Variants in ZC3H3 observed in about 807,000 individuals in gnomAD.
ZC3H3 encodes the protein zinc finger CCCH domain-containing protein 3.
In ZC3H3, 36 loss-of-function variants were observed where a neutral mutation model predicts 77.3. The ratio of observed to expected loss-of-function variants is 0.47; its 90% confidence interval spans 0.36 to 0.61. ZC3H3 has a LOEUF of 0.61. Ranked by LOEUF, ZC3H3 falls within the 20% of genes least tolerant of loss-of-function variation. ZC3H3 has a pLI of 0.00. For missense variants in ZC3H3, 1,331 were observed against 1,312.2 expected (o/e 1.01, Z -0.22); for synonymous variants, 626 against 555.2 (o/e 1.13, Z -1.79).
chr8:143,540,020 C>G (rs1243851144), intron 1 of ZC3H3, among the ~76,000 whole-genome samples: 1 of 152,304 alleles, frequency 6.6e-6, no homozygotes, highest in East Asian at 1.9e-4. Flanking sequence ...AGCATTCCCC[C>G]ACCACAGGCC....
intron 9 of ZC3H3, among the ~76,000 whole-genome samples, chr8:143,443,137 T>C (rs995788081): frequency 1.4e-4 from 22 of 151,900 alleles, no homozygotes; most frequent in African/African-American, 5.3e-4. Flanking sequence ...ACACAAAAAT[T>C]AGCTGGGTGT....
chr8:143,440,058 G>A lies in ZC3H3; in HGVS notation c.2798C>T (p.Pro933Leu). ...AQPRVRAPRAPLTKDSGKPLH... is the reference protein window; with the variant it reads ...AQPRVRAPRALLTKDSGKPLH... ...CTGCCTACCTGAGTCCTTGGTGAGG[G>A]GGGCCCTAGGGGCCCGGACCCTGGG... Residue 933 changes from proline (P) to leucine (L), a missense_variant, in exon 11 of 12, where the codon CCC becomes CTC. Physicochemically the swap from Pro to Leu is moderately conservative, Grantham distance 98. This residue lies in a region of ZC3H3 where 249 missense variants were observed against 236.9 expected (regional missense o/e 1.05). Transcript: ENST00000262577. The A allele has an allele frequency of 6.4e-7, 1 of 1,559,346 alleles. No individual in the cohort carries two copies. The highest frequency in any genetic ancestry group is 1.2e-5 in the South Asian group (1 of 85,408).
chr8:143,439,215 G>A (rs1281302712), intron 11 of ZC3H3, among the ~76,000 whole-genome samples: 2 of 152,170 alleles, frequency 1.3e-5, no homozygotes, highest in East Asian at 3.9e-4. Context: ...GTGGGGCGGA[G>A]GGTCTGGCCA....
chr8:143,491,226 G>A (rs1229144249), intron 4 of ZC3H3, among the ~76,000 whole-genome samples: 2 of 152,190 alleles, frequency 1.3e-5, no homozygotes. Context: ...ACCCCCGGGG[G>A]GCCCTTGAGC....
At chr8:143,453,617 A>G (rs888751486) in intron 9 of ZC3H3, among the ~76,000 whole-genome samples, 6 of 152,254 alleles carry the variant, frequency 3.9e-5, no homozygotes, top group Non-Finnish European at 5.9e-5. Context: ...AAAAGTGGTT[A>G]AAGTTCTCCA....
In ZC3H3 at chr8:143,541,364, G is replaced by T; in HGVS notation, c.46+12C>A. 6.2e-7 allele frequency: 1 copy of T among 1,608,846 alleles called. No individual in the cohort carries two copies. The highest frequency in any genetic ancestry group is 8.5e-7 in the Non-Finnish European group (1 of 1,178,460). On this transcript the variant is annotated intron_variant, in intron 1 of 11. Coordinates refer to ENST00000262577, the MANE Select transcript of ZC3H3 (RefSeq NM_015117.3). ...AGAAGGGGACTCGCGTCCCGGCCCC[G>T]GCCGGACCTACCCTGCAGTAGGCGG... is the stretch of plus-strand genomic sequence containing the variant.
chr8:143,512,074 G>A (rs1821885976), intron 3 of ZC3H3, among the ~76,000 whole-genome samples: 1 of 152,254 alleles, frequency 6.6e-6, no homozygotes. Context: ...AGAAGTGACA[G>A]CAGCGAGCGG....
Position 143,493,857 on chromosome 8 carries a change from C to A in ZC3H3, c.1715+13889G>T, listed in dbSNP as rs1821271887. On this transcript the variant is annotated intron_variant, in intron 4 of 11. Transcript: ENST00000262577. The surrounding 1 kb of genome is among the most constrained non-coding windows in gnomAD (Gnocchi z 4.8). ...CGCCGAGTGGTTTAAATTGAAAACC[C>A]CCAACTGAATCAATATTTACTGCAT... 6.6e-6 allele frequency among the ~76,000 whole-genome samples: 1 copy of A among 152,082 alleles called. No homozygotes were observed. Among genetic ancestry groups the A allele is most frequent in the South Asian group, 2.1e-4 (1 of 4,828 alleles).
rs1227387521 is a variant in ZC3H3 at position 143,462,962 on chromosome 8, G to A, written c.2307+2755C>T. ...GCAGCTGTCCCACCTAGAGCCACCA[G>A]GAGCAGCGCCCAGACCCTGAGTCTC... On this transcript the variant is annotated intron_variant, in intron 9 of 11. Transcript: ENST00000262577. The surrounding 1 kb of genome is among the most constrained non-coding windows in gnomAD (Gnocchi z 4.7). Among the ~76,000 whole-genome samples, 2 of 150,016 alleles carry A rather than the reference G, an allele frequency of 1.3e-5. No homozygotes were observed. Among genetic ancestry groups the A allele is most frequent in the Non-Finnish European group, 3.0e-5 (2 of 67,714 alleles).
At chr8:143,527,121 G>C (rs546469099) in intron 3 of ZC3H3, among the ~76,000 whole-genome samples, 1 of 152,314 alleles carries the variant, frequency 6.6e-6, no homozygotes, top group East Asian at 1.9e-4. Context: ...CCTGGTGGGG[G>C]TTAGCAGGTG....
At chr8:143,517,841 C>G (rs1296653582) in intron 3 of ZC3H3, among the ~76,000 whole-genome samples, 1 of 152,204 alleles carries the variant, frequency 6.6e-6, no homozygotes, top group African/African-American at 2.4e-5. Context: ...TCTCCAGGCC[C>G]ACCTGTGCTC....
At chr8:143,444,044 G>A (rs963844558) in intron 9 of ZC3H3, among the ~76,000 whole-genome samples, 10 of 150,506 alleles carry the variant, frequency 6.6e-5, no homozygotes, top group East Asian at 1.9e-4. Context: ...GCACGATCTC[G>A]GCTCACTGCA....
chr8:143,512,523 G>A (rs1221656644), intron 3 of ZC3H3, among the ~76,000 whole-genome samples: 3 of 152,248 alleles, frequency 2.0e-5, no homozygotes, highest in Non-Finnish European at 2.9e-5. Context: ...GGCAGGAGGG[G>A]CCGGGCAGCA....
At chr8:143,522,927 T>A (rs186134367) in intron 3 of ZC3H3, among the ~76,000 whole-genome samples, 6,128 of 151,160 alleles carry the variant, frequency 0.041, 136 homozygotes, top group Middle Eastern at 0.097. Context: ...CTCAAAAAAA[T>A]ATATATATAT....
chr8:143,535,581 C>T (rs558401645), intron 3 of ZC3H3, among the ~76,000 whole-genome samples: 16 of 151,890 alleles, frequency 1.1e-4, no homozygotes, highest in Admixed American at 2.0e-4. Flanking sequence ...TCACCACATA[C>T]CCCCAACCAC....
intron 5 of ZC3H3, among the ~76,000 whole-genome samples, chr8:143,470,767 G>A (rs1820541542): frequency 6.6e-6 from 1 of 152,236 alleles, no homozygotes; most frequent in African/African-American, 2.4e-5. Flanking sequence ...AGAACAGGAG[G>A]CACTTTTTCA....
At chr8:143,540,576 T>C (rs1031483933) in intron 1 of ZC3H3, among the ~76,000 whole-genome samples, 4 of 152,244 alleles carry the variant, frequency 2.6e-5, no homozygotes, top group African/African-American at 9.6e-5. Context: ...GGTTTTTTAA[T>C]GTTTAAGTGT....
chr8:143,468,430 T>A lies in ZC3H3; in HGVS notation c.2057A>T (p.Glu686Val), dbSNP rs368471862. 1.6e-5 allele frequency: 26 copies of A among 1,611,332 alleles called. No individual in the cohort carries two copies. In the African/African-American group the frequency reaches 2.3e-4, roughly 14 times the overall value. The change falls in exon 7 of 12, where the codon GAG becomes GTG. Residue 686 changes from glutamate (E) to valine (V), a missense_variant. Glu to Val is a moderately radical substitution (Grantham distance 121, BLOSUM62 -2). This residue lies in a region of ZC3H3 where 104 missense variants were observed against 159.7 expected (regional missense o/e 0.65). Coordinates refer to ENST00000262577, the MANE Select transcript of ZC3H3 (RefSeq NM_015117.3). The stretch of plus-strand genomic sequence containing the variant: ...GGGATCGTGGATGTAGGGGCAGCGC[T>A]CGCCACGGTTGCACCTGCCGAAGCG... ...YNRFGRCNRG[E>V]RCPYIHDPEK...
intron 3 of ZC3H3, among the ~76,000 whole-genome samples, chr8:143,523,983 AG>A (rs1300346842): frequency 6.6e-6 from 1 of 152,236 alleles, no homozygotes; most frequent in Non-Finnish European, 1.5e-5. Context: ...CCTGGATGCC[AG>A]GAGTCTCCCA....
Sources: allele counts gnomAD v4.1 joint callset (sites outside exome capture counted in the v4.1 genomes callset), GRCh38; gene constraint gnomAD v4.1.1; regional missense constraint gnomAD v4.1.1; non-coding constraint Gnocchi (gnomAD v3.1); transcripts MANE v1.5; gene names NCBI Gene and HGNC (gene_info 2026-07-23, HGNC 2026-07-21).